CSMD1: variants seen among roughly 807,000 people sequenced by gnomAD.
CSMD1 encodes CUB and sushi domain-containing protein 1.
Under a neutral mutation model 417.5 loss-of-function variants are expected in CSMD1, and 213 were observed. The ratio of observed to expected loss-of-function variants is 0.51; its 90% CI spans 0.46 to 0.57. The LOEUF (loss-of-function observed/expected upper bound fraction) is 0.57. Among genes scored for constraint, CSMD1 ranks in the 20% least tolerant of loss-of-function variants. CSMD1 has a pLI of 0.00. For synonymous variants in CSMD1, 2,862 were observed against 1,736.8 expected (o/e 1.65, Z -16.11); for missense variants, 6,923 against 4,529.7 (o/e 1.53, Z -15.17).
chr8:4,367,628 T>C (rs1348088724), intron 3 of CSMD1, among the ~76,000 whole-genome samples: 1 of 152,178 alleles, frequency 6.6e-6, no homozygotes, highest in Non-Finnish European at 1.5e-5. Flanking sequence ...GATATTAATA[T>C]TGAATCTGTA....
intron 26 of CSMD1, among the ~76,000 whole-genome samples, chr8:3,243,194 G>A (rs1799657209): frequency 6.6e-6 from 1 of 152,164 alleles, no homozygotes; most frequent in East Asian, 1.9e-4. Context: ...TTGGTGAGAT[G>A]TTCCTTGGGG....
At chr8:4,143,779 T>G (rs1051351031) in intron 3 of CSMD1, among the ~76,000 whole-genome samples, 2 of 151,014 alleles carry the variant, frequency 1.3e-5, no homozygotes, top group Admixed American at 6.6e-5. Context: ...CTTCACAGGG[T>G]GGGAGGGGGC....
intron 11 of CSMD1, among the ~76,000 whole-genome samples, chr8:3,471,224 G>T (rs868667548): frequency 6.6e-6 from 1 of 152,120 alleles, no homozygotes; most frequent in Non-Finnish European, 1.5e-5. Context: ...TTTAACTAAT[G>T]GGTAATGATG....
chr8:3,683,488 C>T (rs949929371), intron 7 of CSMD1, among the ~76,000 whole-genome samples: 2 of 152,132 alleles, frequency 1.3e-5, no homozygotes, highest in African/African-American at 4.8e-5. Context: ...TTCATAGGTA[C>T]CTGTCAGCCC....
At chr8:4,206,725 G>C (rs577257608) in intron 3 of CSMD1, among the ~76,000 whole-genome samples, 251 of 152,252 alleles carry the variant, frequency 1.6e-3, no homozygotes, top group Non-Finnish European at 2.4e-3. Context: ...GGGTCAAATA[G>C]TATTTCTAGA....
At chr8:4,773,156 A>G (rs555328956) in intron 1 of CSMD1, among the ~76,000 whole-genome samples, 35 of 152,288 alleles carry the variant, frequency 2.3e-4, no homozygotes, top group African/African-American at 8.4e-4. Context: ...AAAGTATCAG[A>G]AATCTGAAAT....
At chr8:3,787,596 G>A (rs1799514884) in intron 5 of CSMD1, among the ~76,000 whole-genome samples, 1 of 152,148 alleles carries the variant, frequency 6.6e-6, no homozygotes, top group Admixed American at 6.5e-5. Context: ...AGATGTAGTT[G>A]CTACAACAGT....
intron 5 of CSMD1, among the ~76,000 whole-genome samples, chr8:3,948,257 C>CTA (rs911545365): frequency 6.6e-6 from 1 of 151,956 alleles, no homozygotes; most frequent in African/African-American, 2.4e-5. Flanking sequence ...ATAGTATGTG[C>CTA]TATATATATT....
intron 1 of CSMD1, among the ~76,000 whole-genome samples, chr8:4,682,955 C>CATATATATAT (rs10566841): frequency 1.3e-4 from 15 of 118,458 alleles, no homozygotes; most frequent in African/African-American, 2.8e-4. Context: ...TAAGTATCTT[C>CATATATATAT]ATATATATAT....
intron 9 of CSMD1, among the ~76,000 whole-genome samples, chr8:3,584,727 A>C (rs1266838411): frequency 6.6e-6 from 1 of 152,244 alleles, no homozygotes; most frequent in African/African-American, 2.4e-5. Context: ...ATTTGTCTAA[A>C]GTGAACTTTA....
intron 5 of CSMD1, among the ~76,000 whole-genome samples, chr8:3,926,895 T>C (rs937713022): frequency 4.0e-5 from 6 of 151,634 alleles, no homozygotes; most frequent in African/African-American, 1.5e-4. Context: ...TTTGTATTTT[T>C]AGTAGAGAAA....
At chr8:4,543,640 T>C (rs1425318190) in intron 2 of CSMD1, among the ~76,000 whole-genome samples, 1 of 123,058 alleles carries the variant, frequency 8.1e-6, no homozygotes, top group Non-Finnish European at 1.6e-5. Flanking sequence ...CTATGATGGC[T>C]GGATCATATG....
At chr8:3,479,210 T>C (rs905128783) in intron 11 of CSMD1, among the ~76,000 whole-genome samples, 2 of 152,198 alleles carry the variant, frequency 1.3e-5, no homozygotes, top group East Asian at 3.9e-4. Flanking sequence ...ATGCCAAGCC[T>C]AAACAAGGTA....
At chr8:2,944,064 G>A (rs144471690) in intron 68 of CSMD1, among the ~76,000 whole-genome samples, 66 of 152,130 alleles carry the variant, frequency 4.3e-4, no homozygotes, top group Middle Eastern at 3.4e-3. Context: ...CAATATTAAC[G>A]TCCAATAGGA....
chr8:4,627,340 C>T (rs1280616252), intron 2 of CSMD1, among the ~76,000 whole-genome samples: 1 of 152,022 alleles, frequency 6.6e-6, no homozygotes, highest in Non-Finnish European at 1.5e-5. Flanking sequence ...ATTTAAAATC[C>T]TGAAAAATCT....
In CSMD1 at chr8:3,683,109, A is replaced by G. The variant is rs1241892555; in HGVS notation, c.1009+25305T>C. ...ATACCTAATGCTAAATGACAAGCTA[A>G]TGGGTGCAGCACACCAACATGGCAC... is the stretch of plus-strand genomic sequence containing the variant. On this transcript the variant is annotated intron_variant, in intron 7 of 69. Transcript: ENST00000635120. Among the ~76,000 whole-genome samples, 5 of 152,096 alleles carry G rather than the reference A, an allele frequency of 3.3e-5. No homozygotes were observed. The East Asian group carries it at 9.6e-4, about 29-fold the overall frequency.
chr8:4,009,163 C>A (rs534652527), intron 4 of CSMD1, among the ~76,000 whole-genome samples: 3 of 152,288 alleles, frequency 2.0e-5, no homozygotes, highest in African/African-American at 7.2e-5. Context: ...AGGAAAGATG[C>A]ATTTGAATCT....
intron 3 of CSMD1, among the ~76,000 whole-genome samples, chr8:4,077,673 T>C (rs986309675): frequency 4.6e-5 from 7 of 152,154 alleles, no homozygotes; most frequent in Admixed American, 4.6e-4. Context: ...ATCTTTTTCA[T>C]GTATTTGTTT....
At chr8:3,729,175 C>G (rs1002139010) in intron 6 of CSMD1, among the ~76,000 whole-genome samples, 1 of 152,204 alleles carries the variant, frequency 6.6e-6, no homozygotes, top group Admixed American at 6.5e-5. Context: ...CATGACAAGA[C>G]TTACTGCCAC....
Sources: allele counts gnomAD v4.1 joint callset (sites outside exome capture counted in the v4.1 genomes callset), GRCh38; gene constraint gnomAD v4.1.1; transcripts MANE v1.5; gene names NCBI Gene and HGNC (gene_info 2026-07-23, HGNC 2026-07-21).